Variants in KDM2B observed in about 807,000 individuals in gnomAD.
KDM2B encodes the protein lysine-specific demethylase 2B.
KDM2B carries 26 observed loss-of-function variants against 150.0 expected under a neutral mutation model. That is an observed-to-expected ratio of 0.17 (90% confidence interval 0.13 to 0.24). The LOEUF is 0.24. KDM2B is among the 10% of genes least tolerant of loss of function. The probability of loss-of-function intolerance (pLI) is 1.00; values close to 1 mark genes in which losing one functional copy is unlikely to be tolerated. For synonymous variants in KDM2B, 734 were observed against 729.5 expected (o/e 1.01, Z -0.10); for missense variants, 1,265 against 1,816.9 (o/e 0.70, Z 5.52).
chr12:121,435,692 C>A (rs1255139968), intron 22 of KDM2B, among the ~76,000 whole-genome samples: 2 of 152,132 alleles, frequency 1.3e-5, no homozygotes, highest in African/African-American at 4.8e-5. Flanking sequence ...CTGTTGAGAA[C>A]CTCCTTCCCC....
At position 121,494,472 on chromosome 12, in the gene KDM2B, C is replaced by T. The variant is rs530086159; in HGVS notation, c.1734+107G>A. 7.0e-6 allele frequency: 5 copies of T among 718,008 alleles called. No homozygotes were observed. In the East Asian group the frequency reaches 8.5e-5, roughly 12 times the overall value. 44.5% of individuals were successfully genotyped at this position (718,008 alleles called of 1,614,324 possible). On this transcript the variant is annotated intron_variant, in intron 12 of 22. Transcript: ENST00000377071. Reference sequence around the variant, plus strand: ...TCCTTCATCTTAACTGCGGTGCCTTCATCTCAGGAGGCCCCATAGCTACCC... The same window carrying T: ...TCCTTCATCTTAACTGCGGTGCCTTTATCTCAGGAGGCCCCATAGCTACCC...
rs1390034675 is a variant in KDM2B at position 121,511,166 on chromosome 12, A to G, written c.1175-1127T>C. ...GCTGAGATTACAGGTGAACCACCAC[A>G]CCCAGCTAATTTTTGTGTTTTTTAG... On this transcript the variant is annotated intron_variant, in intron 10 of 22. Transcript: ENST00000377071. 3.3e-5 allele frequency among the ~76,000 whole-genome samples: 5 copies of G among 150,780 alleles called. No homozygotes were observed. In the East Asian group the frequency reaches 7.7e-4, roughly 23 times the overall value.
chr12:121,455,013 C>G (rs1878003485), intron 12 of KDM2B, among the ~76,000 whole-genome samples: 1 of 152,306 alleles, frequency 6.6e-6, no homozygotes, highest in African/African-American at 2.4e-5. Flanking sequence ...CAACTTTCTT[C>G]TCCAGTGCAG....
the KDM2B span, among the ~76,000 whole-genome samples, chr12:121,411,131 A>G: frequency 1.1e-4 from 16 of 151,992 alleles, no homozygotes; most frequent in South Asian, 4.1e-4. Flanking sequence ...GAGTCTCCCT[A>G]TGTTGCCCAG....
Position 121,535,075 on chromosome 12 carries a change from T to A in KDM2B, c.684-485A>T, listed in dbSNP as rs553365143. On this transcript the variant is annotated intron_variant, in intron 6 of 22. Transcript: ENST00000377071. ...TGCCAATTACCAGTCCCCATTCATCTCCTCATTCATTCAACCAGAGGTCCA... is the reference window on the plus strand; with the variant it reads ...TGCCAATTACCAGTCCCCATTCATCACCTCATTCATTCAACCAGAGGTCCA... Among the ~76,000 whole-genome samples, 176 of 152,024 alleles carry A rather than the reference T, an allele frequency of 1.2e-3. 1 individual carries two copies. The highest frequency in any genetic ancestry group is 1.9e-3 in the Non-Finnish European group (126 of 67,996).
chr12:121,478,357 GA>G (rs1881626252), intron 12 of KDM2B, among the ~76,000 whole-genome samples: 1 of 122,198 alleles, frequency 8.2e-6, no homozygotes, highest in African/African-American at 3.7e-5. Flanking sequence ...CCCTCAAGTA[GA>G]TCCTTTTTTT....
chr12:121,530,136 G>A (rs1263088330), intron 8 of KDM2B, among the ~76,000 whole-genome samples: 1 of 149,938 alleles, frequency 6.7e-6, no homozygotes, highest in Non-Finnish European at 1.5e-5. Context: ...GCTGAGGCAG[G>A]AGAATGGTGT....
chr12:121,420,387 G>A, the KDM2B span: 2 of 1,554,036 alleles, frequency 1.3e-6, no homozygotes, highest in Admixed American at 2.0e-5. Context: ...TGACAGGAAG[G>A]GACAGTGCCC....
Position 121,442,878 on chromosome 12 carries a change from G to C in KDM2B, c.2605-42C>G, listed in dbSNP as rs1875403173. On this transcript the variant is annotated intron_variant, in intron 18 of 22. Transcript: ENST00000377071. This position sits in a 1 kb window ranked among gnomAD's most constrained non-coding sequence, Gnocchi z 7.7. ...AGACGCGTCAGCCTCTGGGGCTCAGGGCTGCGCCCGCCCAAGGCCTCCCGC... is the reference window on the plus strand; with the variant it reads ...AGACGCGTCAGCCTCTGGGGCTCAGCGCTGCGCCCGCCCAAGGCCTCCCGC... 6.5e-7 allele frequency: 1 copy of C among 1,536,706 alleles called. No homozygotes were observed. Among genetic ancestry groups the C allele is most frequent in the African/African-American group, 1.4e-5 (1 of 72,244 alleles).
intron 4 of KDM2B, among the ~76,000 whole-genome samples, chr12:121,572,442 C>A (rs1443248303): frequency 1.3e-5 from 2 of 152,098 alleles, no homozygotes; most frequent in Non-Finnish European, 2.9e-5. Flanking sequence ...CAAGTTTATC[C>A]CCCGACTTCC....
intron 11 of KDM2B, among the ~76,000 whole-genome samples, chr12:121,499,818 C>T (rs1338985972): frequency 6.6e-6 from 1 of 151,924 alleles, no homozygotes; most frequent in Non-Finnish European, 1.5e-5. Context: ...GGCATGGTGG[C>T]ACGCGTCTGT....
intron 6 of KDM2B, among the ~76,000 whole-genome samples, chr12:121,543,608 G>A (rs1349044799): frequency 7.3e-5 from 11 of 151,058 alleles, no homozygotes; most frequent in African/African-American, 2.4e-4. Context: ...GGCAGATCAC[G>A]AGGTCAGGAG....
chr12:121,420,834 C>A, the KDM2B span: 1 of 1,382,604 alleles, frequency 7.2e-7, no homozygotes, highest in Non-Finnish European at 1.0e-6. Context: ...CTTTTAAAAA[C>A]TGGGTTGTTT....
chr12:121,475,536 G>A (rs1206794321), intron 12 of KDM2B, among the ~76,000 whole-genome samples: 1 of 152,044 alleles, frequency 6.6e-6, no homozygotes, highest in African/African-American at 2.4e-5. Flanking sequence ...TGCGGCTGCA[G>A]TGAGCCAAGA....
At chr12:121,420,809 G>A in the KDM2B span, 7 of 1,551,712 alleles carry the variant, frequency 4.5e-6, no homozygotes, top group Non-Finnish European at 6.2e-6. Context: ...TTTCCCTGTA[G>A]TATTTTTCCT....
In KDM2B at chr12:121,442,646, T is replaced by C. The variant is rs782192663; in HGVS notation, c.2795A>G (p.Lys932Arg). 3 of 1,595,570 alleles carry C rather than the reference T, an allele frequency of 1.9e-6. No individual in the cohort carries two copies. The highest frequency in any genetic ancestry group is 2.6e-6 in the Non-Finnish European group (3 of 1,171,132). The change falls in exon 19 of 23, where the codon AAG becomes AGG. Residue 932 changes from lysine (K) to arginine (R), a missense_variant. Physicochemically the swap from Lys to Arg is conservative, Grantham distance 26. Around this residue, in one of 11 missense-constraint regions of KDM2B, gnomAD observed 418 missense variants for 402.4 expected, o/e 1.04. Transcript: ENST00000377071. The surrounding 1 kb of genome is among the most constrained non-coding windows in gnomAD (Gnocchi z 7.7). The stretch of plus-strand genomic sequence containing the variant: ...CCGCCGCTTCCGGCGCATCTTCACC[T>C]TCTTCTTCTCCTCCGGGCCCTCGGC... ...EGAEGPEEKKKVKMRRKRRLP... is the reference protein window; with the variant it reads ...EGAEGPEEKKRVKMRRKRRLP...
At chr12:121,565,409 T>C (rs1194417279) in intron 4 of KDM2B, among the ~76,000 whole-genome samples, 2 of 149,236 alleles carry the variant, frequency 1.3e-5, no homozygotes, top group Non-Finnish European at 3.0e-5. Context: ...TTCCACCTCC[T>C]GGGTTCAAGC....
intron 8 of KDM2B, among the ~76,000 whole-genome samples, chr12:121,526,455 C>T (rs1417677722): frequency 2.6e-5 from 4 of 152,160 alleles, no homozygotes; most frequent in African/African-American, 9.7e-5. Flanking sequence ...TCCCAAGCTA[C>T]TGGAGTTCAA....
chr12:121,471,389 T>G (rs1379524373), intron 12 of KDM2B, among the ~76,000 whole-genome samples: 2 of 152,178 alleles, frequency 1.3e-5, no homozygotes, highest in African/African-American at 4.8e-5. Context: ...CCATCACAAT[T>G]GTCACTCATG....
Sources: gnomAD v4.1 joint callset for allele counts (sites outside exome capture counted in the v4.1 genomes callset) on GRCh38, gnomAD v4.1.1 for gene constraint, gnomAD v4.1.1 regional missense constraint, Gnocchi (gnomAD v3.1) non-coding constraint, MANE v1.5 for transcripts, NCBI Gene and HGNC (gene_info 2026-07-23, HGNC 2026-07-21) for gene names.